VPS13C: variants seen among roughly 807,000 people sequenced by gnomAD.
VPS13C encodes intermembrane lipid transfer protein VPS13C.
VPS13C carries 358 observed loss-of-function variants against 456.8 expected under a neutral mutation model. That is an observed-to-expected ratio of 0.78 (90% CI 0.72 to 0.86). The LOEUF (loss-of-function observed/expected upper bound fraction) is 0.86. VPS13C is among the 40% of genes least tolerant of loss of function. VPS13C has a pLI of 0.00. For missense variants in VPS13C, 4,818 were observed against 4,385.4 expected (o/e 1.10, Z -2.79); for synonymous variants, 1,578 against 1,486.7 (o/e 1.06, Z -1.41).
At chr15:61,859,661 C>T (rs1894115494) in intron 82 of VPS13C, among the ~76,000 whole-genome samples, 1 of 152,232 alleles carries the variant, frequency 6.6e-6, no homozygotes, top group East Asian at 1.9e-4. Context: ...CTGTGGTCCC[C>T]ATCTTACTGT....
At chr15:61,890,688 AC>A (rs1188334268) in intron 66 of VPS13C, among the ~76,000 whole-genome samples, 2 of 152,186 alleles carry the variant, frequency 1.3e-5, no homozygotes, top group African/African-American at 4.8e-5. Flanking sequence ...CTTTGGTGGC[AC>A]CAATGCAATA....
At chr15:61,905,497 T>A (rs2043129808) in intron 66 of VPS13C, among the ~76,000 whole-genome samples, 1 of 152,156 alleles carries the variant, frequency 6.6e-6, no homozygotes, top group South Asian at 2.1e-4. Context: ...GGAAGCATGG[T>A]CTAGCAGAAA....
chr15:61,983,701 A>T, intron 20 of VPS13C, 119 bp downstream of exon 20: 1 of 1,148,070 alleles, frequency 8.7e-7, no homozygotes, highest in South Asian at 1.6e-5. Context: ...AGAAAAACCT[A>T]TTAGGAAACT....
intron 66 of VPS13C, among the ~76,000 whole-genome samples, chr15:61,906,300 TG>T: frequency 6.6e-6 from 1 of 152,166 alleles, no homozygotes; most frequent in South Asian, 2.1e-4. Flanking sequence ...CTGACTGAGG[TG>T]GAATCACCCT....
Position 61,911,856 on chromosome 15 carries a change from T to C in VPS13C, c.8699A>G (p.Tyr2900Cys). The change falls in exon 63 of 85, where the codon TAT (tyrosine) becomes TGT (cysteine). Residue 2900 changes from tyrosine (Y) to cysteine (C), a missense_variant. Transcript: ENST00000644861. ...DGSMPTNKWNYIASSECLPFW... is the reference protein window; with the variant it reads ...DGSMPTNKWNCIASSECLPFW... ...AAATGCTACCTCTGAAGAAGCAATA[T>C]AGTTCCATTTATTAGTTGGCATTGA... 2 of 1,610,108 alleles carry C rather than the reference T, an allele frequency of 1.2e-6. No homozygotes were observed. The highest frequency in any genetic ancestry group is 1.1e-5 in the South Asian group (1 of 89,982).
intron 53 of VPS13C, among the ~76,000 whole-genome samples, chr15:61,925,017 G>C (rs573154779): frequency 2.6e-5 from 4 of 152,254 alleles, no homozygotes; most frequent in Admixed American, 6.5e-5. Flanking sequence ...GTGTACATCT[G>C]TCATTATAAA....
At chr15:62,034,530 T>G (rs916332377) in intron 4 of VPS13C, among the ~76,000 whole-genome samples, 4 of 151,682 alleles carry the variant, frequency 2.6e-5, no homozygotes, top group Non-Finnish European at 4.4e-5. Context: ...TTATACACAT[T>G]TTTGAAAGAA....
In VPS13C at chr15:61,984,950, A is replaced by C. The variant is rs755045456; in HGVS notation, c.1628T>G (p.Ile543Arg). Residue 543 changes from isoleucine to arginine, a missense_variant, in exon 19 of 85, where the codon ATA becomes AGA. Ile to Arg is a moderately conservative substitution (Grantham distance 97). This residue lies in a region of VPS13C where 4,552 missense variants were observed against 4,130.6 expected (regional missense o/e 1.10). Coordinates refer to ENST00000644861, the MANE Select transcript of VPS13C (RefSeq NM_020821.3). ...TLKLVSTSVT[I>R]RENKNIPEIL... Reference sequence around the variant, plus strand: ...TTCTGGAATATTCTTGTTTTCTCTTATCGTAACAGAGGTGCTTACTAACTT... The same window carrying C: ...TTCTGGAATATTCTTGTTTTCTCTTCTCGTAACAGAGGTGCTTACTAACTT... The C allele has an allele frequency of 6.2e-7, 1 of 1,610,602 alleles. No homozygotes were observed. The highest frequency in any genetic ancestry group is 8.5e-7 in the Non-Finnish European group (1 of 1,178,790).
In VPS13C at chr15:61,991,604, G is replaced by A. The variant is rs1275344068; in HGVS notation, c.1483+69C>T. The stretch of plus-strand genomic sequence containing the variant: ...GTATTTCAAAATAAAATTCAACAGG[G>A]AAGATATAATTTACACAGTTTTTTT... On this transcript the variant is annotated intron_variant, in intron 17 of 84. Coordinates refer to ENST00000644861, the MANE Select transcript of VPS13C (RefSeq NM_020821.3). 4.7e-6 allele frequency: 7 copies of A among 1,481,368 alleles called. No individual in the cohort carries two copies. In the East Asian group the frequency reaches 1.6e-4, roughly 34 times the overall value. The allele number at this position is 1,481,368 out of a possible 1,614,324, so 91.8% of individuals were successfully genotyped here.
chr15:62,028,494 T>C (rs2047712108), intron 5 of VPS13C, 74 bp from the exon 6 acceptor site: 2 of 1,384,506 alleles, frequency 1.4e-6, no homozygotes, highest in South Asian at 1.2e-5. Flanking sequence ...ATGTAAAATA[T>C]ACCTAAATTT....
intron 51 of VPS13C, among the ~76,000 whole-genome samples, chr15:61,928,431 T>A (rs1010564945): frequency 5.9e-5 from 9 of 152,134 alleles, no homozygotes; most frequent in African/African-American, 2.2e-4. Flanking sequence ...ATATATTCAA[T>A]GCATATATAA....
At chr15:61,902,228 A>T (rs1391295865) in intron 66 of VPS13C, among the ~76,000 whole-genome samples, 1 of 151,530 alleles carries the variant, frequency 6.6e-6, no homozygotes, top group Admixed American at 6.6e-5. Context: ...AACCTGCACA[A>T]TGTGCACATG....
intron 3 of VPS13C, among the ~76,000 whole-genome samples, chr15:62,037,421 T>TAAATAA (rs1216331955): frequency 5.6e-4 from 53 of 94,158 alleles, no homozygotes; most frequent in Non-Finnish European, 7.7e-4. Flanking sequence ...TATAATATGT[T>TAAATAA]ATATATAAAT....
chr15:61,960,575 GTATT>G (rs2045161274), intron 35 of VPS13C, among the ~76,000 whole-genome samples: 1 of 152,070 alleles, frequency 6.6e-6, no homozygotes, highest in Non-Finnish European at 1.5e-5. Flanking sequence ...ATATGATAAA[GTATT>G]TAGGGACAAA....
chr15:61,867,734 G>A lies in VPS13C; in HGVS notation c.10863+925C>T. ...TATTTTATACTAATCTCTTATTTCT[G>A]GACAGTATTACCAGGAATACCACAA... On this transcript the variant is annotated intron_variant, in intron 81 of 84. Coordinates refer to ENST00000644861, the MANE Select transcript of VPS13C (RefSeq NM_020821.3). This position sits in a 1 kb window ranked among gnomAD's most constrained non-coding sequence, Gnocchi z 5.0. The A allele has an allele frequency of 7.0e-7, 1 of 1,432,496 alleles. No homozygotes were observed. The highest frequency in any genetic ancestry group is 9.1e-7 in the Non-Finnish European group (1 of 1,095,484). 88.7% of individuals were successfully genotyped at this position (1,432,496 alleles called of 1,614,324 possible). A position where few individuals can be genotyped will look rare whatever the true frequency, so the allele number is the denominator to read the frequency against.
At chr15:61,898,923 C>G (rs1055078165) in intron 66 of VPS13C, among the ~76,000 whole-genome samples, 4 of 102,082 alleles carry the variant, frequency 3.9e-5, no homozygotes, top group African/African-American at 1.4e-4. Flanking sequence ...ACAGTGCAAT[C>G]AAACTAGAAC....
intron 39 of VPS13C, 55 bp downstream of exon 39, chr15:61,951,769 A>G (rs1167042564): frequency 6.6e-7 from 1 of 1,514,168 alleles, no homozygotes. Flanking sequence ...GTTGATAAAA[A>G]GGTAGGGATC....
At chr15:61,909,250 C>A in intron 64 of VPS13C, 125 bp from the exon 65 acceptor site, 1 of 1,226,214 alleles carries the variant, frequency 8.2e-7, no homozygotes, top group African/African-American at 1.5e-5. Context: ...TGCTGTCACC[C>A]AGGCTGGAGT....
At chr15:61,901,022 T>C (rs981365342) in intron 66 of VPS13C, among the ~76,000 whole-genome samples, 3 of 152,116 alleles carry the variant, frequency 2.0e-5, no homozygotes, top group African/African-American at 7.2e-5. Flanking sequence ...GGATTCCCTA[T>C]TTAATAAATG....
Sources: allele counts gnomAD v4.1 joint callset (sites outside exome capture counted in the v4.1 genomes callset), GRCh38; gene constraint gnomAD v4.1.1; regional missense constraint gnomAD v4.1.1; non-coding constraint Gnocchi (gnomAD v3.1); transcripts MANE v1.5; gene names NCBI Gene and HGNC (gene_info 2026-07-23, HGNC 2026-07-21).